Variants in GRM7 observed in about 807,000 individuals in gnomAD.
GRM7 encodes the protein metabotropic glutamate receptor 7.
A neutral mutation model predicts 84.5 loss-of-function variants in GRM7; 35 were observed. That is an observed-to-expected ratio of 0.41 (90% CI 0.32 to 0.55). The LOEUF (loss-of-function observed/expected upper bound fraction) is 0.55, where lower values mean the gene tolerates loss of function less well. Among genes scored for constraint, GRM7 ranks in the 20% least tolerant of loss-of-function variants. GRM7 has a pLI of 0.19. For missense variants in GRM7, 1,003 were observed against 1,194.6 expected (o/e 0.84, Z 2.36); for synonymous variants, 487 against 455.1 (o/e 1.07, Z -0.89).
rs904890280 is a variant in GRM7 at position 7,215,417 on chromosome 3, C to T, written c.736+68749C>T. ...CGGTGGATCACGCCTGTAATCCCAGCACTTTTGGAGGCGGAGGAGGGTGCA... is the reference window on the plus strand; with the variant it reads ...CGGTGGATCACGCCTGTAATCCCAGTACTTTTGGAGGCGGAGGAGGGTGCA... On this transcript the variant is annotated intron_variant, in intron 2 of 9. Transcript: ENST00000357716. Among the ~76,000 whole-genome samples the T allele has an allele frequency of 3.3e-4, 50 of 152,066 alleles. 1 individual carries two copies. The highest frequency in any genetic ancestry group is 3.2e-3 in the Admixed American group (49 of 15,268).
intron 9 of GRM7, among the ~76,000 whole-genome samples, chr3:7,720,667 A>C (rs1173972338): frequency 6.6e-6 from 1 of 152,232 alleles, no homozygotes; most frequent in Non-Finnish European, 1.5e-5. Context: ...CTGGGGAGAT[A>C]GAATTTCAGA....
chr3:7,592,932 G>A (rs936842736), intron 8 of GRM7, among the ~76,000 whole-genome samples: 5 of 152,122 alleles, frequency 3.3e-5, no homozygotes, highest in African/African-American at 1.2e-4. Flanking sequence ...CTTGTACTCA[G>A]CCTAGGAACA....
At chr3:7,060,580 T>C (rs1697403762) in intron 1 of GRM7, among the ~76,000 whole-genome samples, 1 of 151,814 alleles carries the variant, frequency 6.6e-6, no homozygotes, top group African/African-American at 2.4e-5. Flanking sequence ...GGAACATCAT[T>C]AATGAACTAT....
intron 8 of GRM7, chr3:7,591,602 A>C: frequency 2.8e-6 from 1 of 358,530 alleles, no homozygotes; most frequent in Non-Finnish European, 5.4e-6. Context: ...GAATGTAAGT[A>C]GCTAACAAAA....
chr3:7,224,255 C>T (rs1696906305), intron 2 of GRM7, among the ~76,000 whole-genome samples: 1 of 152,164 alleles, frequency 6.6e-6, no homozygotes, highest in Non-Finnish European at 1.5e-5. Flanking sequence ...GCATATATTA[C>T]ATGACCAGAG....
At chr3:7,351,901 T>C (rs1693165286) in intron 4 of GRM7, among the ~76,000 whole-genome samples, 1 of 151,978 alleles carries the variant, frequency 6.6e-6, no homozygotes, top group Non-Finnish European at 1.5e-5. Context: ...TATTAACAGC[T>C]TCTCTGGGAG....
chr3:7,345,433 C>G (rs569810391), intron 4 of GRM7, among the ~76,000 whole-genome samples: 6 of 151,992 alleles, frequency 3.9e-5, no homozygotes, highest in Non-Finnish European at 7.4e-5. Context: ...GCACCCGCCA[C>G]CATGCCTGGC....
chr3:7,539,631 C>A (rs370346633), intron 7 of GRM7, among the ~76,000 whole-genome samples: 1 of 148,864 alleles, frequency 6.7e-6, no homozygotes, highest in Non-Finnish European at 1.5e-5. Flanking sequence ...GTTGAGATCG[C>A]GCCACTGCAC....
intron 1 of GRM7, among the ~76,000 whole-genome samples, chr3:7,033,345 T>A (rs1574814568): frequency 6.6e-6 from 1 of 152,186 alleles, no homozygotes; most frequent in Non-Finnish European, 1.5e-5. Flanking sequence ...TTCGGGATTA[T>A]GCTATTCAAC....
intron 8 of GRM7, among the ~76,000 whole-genome samples, chr3:7,633,744 A>G (rs1237902858): frequency 6.6e-6 from 1 of 152,200 alleles, no homozygotes; most frequent in Non-Finnish European, 1.5e-5. Context: ...CTTCCCCGCA[A>G]TGCATTACCG....
intron 1 of GRM7, among the ~76,000 whole-genome samples, chr3:6,886,457 C>A (rs1695699644): frequency 6.6e-6 from 1 of 152,104 alleles, no homozygotes; most frequent in African/African-American, 2.4e-5. Context: ...AACAAACTTG[C>A]ATATTGTGCA....
At chr3:7,669,377 T>A (rs1288699812) in intron 8 of GRM7, among the ~76,000 whole-genome samples, 4 of 152,102 alleles carry the variant, frequency 2.6e-5, no homozygotes, top group African/African-American at 9.7e-5. Context: ...AGGAACAACA[T>A]GTGCAAAGGG....
chr3:6,918,640 G>C lies in GRM7; in HGVS notation c.519+56733G>C, dbSNP rs570693850. Among the ~76,000 whole-genome samples the C allele has an allele frequency of 2.0e-5, 3 of 152,268 alleles. No homozygotes were observed. The East Asian group carries it at 5.8e-4, about 29-fold the overall frequency. ...GAGCTCACTACATGTCAAGTACTCTGCCAAGAATAGTTAAGTTCCCTAGAG... is the reference window on the plus strand; with the variant it reads ...GAGCTCACTACATGTCAAGTACTCTCCCAAGAATAGTTAAGTTCCCTAGAG... On this transcript the variant is annotated intron_variant, in intron 1 of 9. Transcript: ENST00000357716.
intron 1 of GRM7, among the ~76,000 whole-genome samples, chr3:7,009,108 A>C (rs1695284044): frequency 6.6e-6 from 1 of 152,226 alleles, no homozygotes; most frequent in Non-Finnish European, 1.5e-5. Context: ...TCTCAAGACA[A>C]ATAGATCTGC....
intron 9 of GRM7, among the ~76,000 whole-genome samples, chr3:7,736,271 A>G (rs1702496143): frequency 6.6e-6 from 1 of 152,114 alleles, no homozygotes; most frequent in Non-Finnish European, 1.5e-5. Flanking sequence ...ATCTTTTGTC[A>G]GTTAAATACA....
chr3:7,128,654 C>A (rs1239981375), intron 1 of GRM7, among the ~76,000 whole-genome samples: 2 of 133,898 alleles, frequency 1.5e-5, no homozygotes, highest in Non-Finnish European at 3.3e-5. Context: ...TTACAGGTAC[C>A]CACCACCACG....
At chr3:6,959,318 C>A (rs1028635405) in intron 1 of GRM7, among the ~76,000 whole-genome samples, 2 of 152,086 alleles carry the variant, frequency 1.3e-5, no homozygotes, top group African/African-American at 4.8e-5. Flanking sequence ...TTATTTTTAC[C>A]TATGTAAAAA....
intron 1 of GRM7, among the ~76,000 whole-genome samples, chr3:7,062,441 A>G (rs960233802): frequency 6.6e-6 from 1 of 151,770 alleles, no homozygotes; most frequent in Non-Finnish European, 1.5e-5. Context: ...AATCAGAATA[A>G]ATATGAAAAA....
At chr3:7,403,283 A>G in intron 4 of GRM7, 1 of 202,572 alleles carries the variant, frequency 4.9e-6, no homozygotes, top group Admixed American at 5.5e-5. Flanking sequence ...GAAAGTGATT[A>G]TGATAATTTG....
Sources: allele counts gnomAD v4.1 joint callset (sites outside exome capture counted in the v4.1 genomes callset), GRCh38; gene constraint gnomAD v4.1.1; transcripts MANE v1.5; gene names NCBI Gene and HGNC (gene_info 2026-07-23, HGNC 2026-07-21).